Variants in CHST9 observed in about 807,000 individuals in gnomAD.
CHST9 encodes the protein GalNAc-4-sulfotransferase 2.
Under a neutral mutation model 44.4 loss-of-function variants are expected in CHST9, and 41 were observed. The observed-to-expected ratio is 0.92, with a 90% confidence interval of 0.72 to 1.20. The LOEUF (loss-of-function observed/expected upper bound fraction) is 1.20. Among genes scored for constraint, CHST9 ranks in the 50% most tolerant of loss-of-function variants. The pLI is 0.00. For missense variants in CHST9, 504 were observed against 516.5 expected, an observed-to-expected ratio of 0.98 and a Z score of 0.23; for synonymous variants, 171 against 178.4, an observed-to-expected ratio of 0.96 and a Z score of 0.33.
chr18:26,970,585 C>T (rs576926901), intron 4 of CHST9, among the ~76,000 whole-genome samples: 26 of 152,288 alleles, frequency 1.7e-4, no homozygotes, highest in Non-Finnish European at 3.1e-4. Context: ...CATGCCACCA[C>T]ACCTGGCTAA....
chr18:27,021,927 C>A (rs1348013769), intron 4 of CHST9, among the ~76,000 whole-genome samples: 1 of 152,054 alleles, frequency 6.6e-6, no homozygotes, highest in Non-Finnish European at 1.5e-5. Flanking sequence ...TCAAGCAATC[C>A]CCCTACTTTA....
chr18:26,976,739 A>G (rs1289092182), intron 4 of CHST9, among the ~76,000 whole-genome samples: 1 of 152,104 alleles, frequency 6.6e-6, no homozygotes, highest in African/African-American at 2.4e-5. Context: ...ACATGAATAC[A>G]GGAAGCCATC....
chr18:26,987,363 C>A (rs2145201707), intron 4 of CHST9, among the ~76,000 whole-genome samples: 1 of 152,222 alleles, frequency 6.6e-6, no homozygotes, highest in Non-Finnish European at 1.5e-5. Flanking sequence ...AACTCCCTAG[C>A]CTGTGGAATC....
At chr18:26,953,554 G>A (rs983322450) in intron 4 of CHST9, among the ~76,000 whole-genome samples, 1 of 152,124 alleles carries the variant, frequency 6.6e-6, no homozygotes, top group Non-Finnish European at 1.5e-5. Context: ...GCCTAGACTA[G>A]GGAGGTAGAA....
intron 4 of CHST9, among the ~76,000 whole-genome samples, chr18:27,003,369 G>A (rs557246910): frequency 8.3e-4 from 126 of 152,264 alleles, no homozygotes; most frequent in Non-Finnish European, 1.0e-3. Context: ...TACCACTCAT[G>A]GGAGGTTAGC....
At chr18:27,014,960 ACTCTG>A (rs1289657126) in intron 4 of CHST9, among the ~76,000 whole-genome samples, 1 of 151,544 alleles carries the variant, frequency 6.6e-6, no homozygotes, top group Non-Finnish European at 1.5e-5. Flanking sequence ...GTCACCAAGG[ACTCTG>A]CCCTGCATTC....
chr18:27,030,670 G>T (rs1006767751), intron 3 of CHST9, among the ~76,000 whole-genome samples: 9 of 152,186 alleles, frequency 5.9e-5, no homozygotes, highest in Non-Finnish European at 8.8e-5. Flanking sequence ...GCACTTTAGA[G>T]CACGCTTTGT....
chr18:27,013,286 C>T (rs550440209), intron 4 of CHST9, among the ~76,000 whole-genome samples: 46 of 152,300 alleles, frequency 3.0e-4, no homozygotes, highest in African/African-American at 9.6e-4. Context: ...GCATGTTACA[C>T]GCGCTGAATA....
intron 2 of CHST9, among the ~76,000 whole-genome samples, chr18:27,097,838 G>C (rs916269774): frequency 1.3e-4 from 20 of 152,056 alleles, no homozygotes; most frequent in African/African-American, 4.8e-4. Flanking sequence ...ATTAAATAGG[G>C]AATCCTTTCC....
At chr18:27,126,440 G>T (rs374829780) in intron 2 of CHST9, among the ~76,000 whole-genome samples, 11 of 152,144 alleles carry the variant, frequency 7.2e-5, no homozygotes, top group Non-Finnish European at 1.2e-4. Flanking sequence ...ATCTACCCTC[G>T]TGAGGGCTTC....
chr18:26,947,147 A>G (rs1000644085), intron 4 of CHST9, among the ~76,000 whole-genome samples: 8 of 152,152 alleles, frequency 5.3e-5, no homozygotes, highest in Non-Finnish European at 1.2e-4. Flanking sequence ...CTTCCTATCC[A>G]TGGGCATGGA....
chr18:27,031,536 T>G (rs886317371), intron 3 of CHST9, among the ~76,000 whole-genome samples: 3 of 152,246 alleles, frequency 2.0e-5, no homozygotes, highest in African/African-American at 7.2e-5. Context: ...TGCAAGCTGG[T>G]ATCCCTGGCT....
chr18:27,151,012 A>G (rs1363232137), intron 1 of CHST9, among the ~76,000 whole-genome samples: 1 of 152,112 alleles, frequency 6.6e-6, no homozygotes, highest in African/African-American at 2.4e-5. Context: ...ATATTTAGTC[A>G]ATTATGGGCC....
chr18:27,064,784 C>T (rs1390535377), intron 2 of CHST9, among the ~76,000 whole-genome samples: 1 of 152,134 alleles, frequency 6.6e-6, no homozygotes, highest in East Asian at 1.9e-4. Context: ...GCTGGCACTT[C>T]TTGGTACAGG....
chr18:26,968,872 A>G (rs1456483383), intron 4 of CHST9, among the ~76,000 whole-genome samples: 5 of 152,186 alleles, frequency 3.3e-5, no homozygotes, highest in African/African-American at 4.8e-5. Flanking sequence ...TTTTGCTCAA[A>G]ATGTTGATTG....
At chr18:27,097,882 C>T (rs1224978271) in intron 2 of CHST9, among the ~76,000 whole-genome samples, 2 of 152,096 alleles carry the variant, frequency 1.3e-5, no homozygotes, top group Admixed American at 6.6e-5. Context: ...TGTCAAAAAT[C>T]AGATGACTGT....
At chr18:26,982,444 C>T (rs2056703218) in intron 4 of CHST9, among the ~76,000 whole-genome samples, 1 of 151,164 alleles carries the variant, frequency 6.6e-6, no homozygotes, top group South Asian at 2.1e-4. Flanking sequence ...CAAAAACAGT[C>T]AAGCAAACAA....
chr18:27,051,104 T>G (rs1394875585), intron 2 of CHST9, among the ~76,000 whole-genome samples: 3 of 152,182 alleles, frequency 2.0e-5, no homozygotes, highest in Admixed American at 1.3e-4. Flanking sequence ...ATTTTGAGGT[T>G]GATCCTTAAG....
rs574240718 is a variant in CHST9 at position 27,134,884 on chromosome 18, A to T, written c.121+7805T>A. Among the ~76,000 whole-genome samples, 12 of 152,344 alleles carry T rather than the reference A, an allele frequency of 7.9e-5. No homozygotes were observed. In the South Asian group the frequency reaches 8.3e-4, roughly 11 times the overall value. On this transcript the variant is annotated intron_variant, in intron 2 of 5. Coordinates refer to ENST00000618847, the MANE Select transcript of CHST9 (RefSeq NM_031422.6). The stretch of plus-strand genomic sequence containing the variant: ...AACTAGAAGTATACAAGAAAAATGT[A>T]AAAAGTTTCTGAGTTCTGGGGAGAT...
Sources: allele counts gnomAD v4.1 joint callset (sites outside exome capture counted in the v4.1 genomes callset), GRCh38; gene constraint gnomAD v4.1.1; transcripts MANE v1.5; gene names NCBI Gene and HGNC (gene_info 2026-07-23, HGNC 2026-07-21).